Variants in GSG1L observed in about 807,000 individuals in gnomAD.
GSG1L encodes GSG1 like.
Under a neutral mutation model 42.1 loss-of-function variants are expected in GSG1L, and 24 were observed. The observed-to-expected ratio is 0.57, with a 90% confidence interval of 0.41 to 0.80. GSG1L has a LOEUF of 0.80. Ranked by LOEUF, GSG1L falls within the 30% of genes least tolerant of loss-of-function variation. The pLI, the probability that GSG1L is intolerant of heterozygous loss-of-function variation, is 0.00. For missense variants in GSG1L, 445 were observed against 472.2 expected (o/e 0.94, Z 0.53); for synonymous variants, 215 against 203.5 (o/e 1.06, Z -0.48).
intron 3 of GSG1L, chr16:27,850,344 A>G (rs2088865600): frequency 2.8e-6 from 1 of 359,876 alleles, no homozygotes; most frequent in Non-Finnish European, 5.5e-6. Context: ...CCTATTTTAT[A>G]TCTAAGCTGG....
chr16:28,060,055 G>A (rs2086323460), intron 1 of GSG1L, among the ~76,000 whole-genome samples: 1 of 152,142 alleles, frequency 6.6e-6, no homozygotes, highest in Non-Finnish European at 1.5e-5. Context: ...TCACGGAGCG[G>A]TGAGGATCTC....
At chr16:27,899,746 G>A (rs1193486536) in intron 2 of GSG1L, among the ~76,000 whole-genome samples, 1 of 152,046 alleles carries the variant, frequency 6.6e-6, no homozygotes, top group African/African-American at 2.4e-5. Flanking sequence ...AACAAGACAC[G>A]TGTAAAGAGG....
At position 27,938,289 on chromosome 16, in the gene GSG1L, C is replaced by T. The variant is rs1026858175; in HGVS notation, c.397+24867G>A. ...GTCCCAGCTACTTGGGAGGCAGAGG[C>T]GGGAGAATCACTTGAACCTGGAGAT... On this transcript the variant is annotated intron_variant, in intron 2 of 6. Coordinates refer to ENST00000447459, the MANE Select transcript of GSG1L (RefSeq NM_001109763.2). Among the ~76,000 whole-genome samples, 5 of 150,650 alleles carry T rather than the reference C, an allele frequency of 3.3e-5. No homozygotes were observed. In the South Asian group the frequency reaches 6.4e-4, roughly 19 times the overall value.
At chr16:27,982,429 T>G (rs1429306314) in intron 1 of GSG1L, among the ~76,000 whole-genome samples, 1 of 152,066 alleles carries the variant, frequency 6.6e-6, no homozygotes, top group Admixed American at 6.6e-5. Flanking sequence ...CAATATGATG[T>G]GTGTGTGCGT....
chr16:27,876,737 T>C (rs1436513861), intron 3 of GSG1L, among the ~76,000 whole-genome samples: 5 of 152,276 alleles, frequency 3.3e-5, no homozygotes, highest in Middle Eastern at 3.4e-3. Context: ...CAAAACACAC[T>C]GGTGGCACCC....
At chr16:28,002,774 CAA>C (rs753093273) in intron 1 of GSG1L, among the ~76,000 whole-genome samples, 1 of 133,074 alleles carries the variant, frequency 7.5e-6, no homozygotes. Flanking sequence ...ACTAAAAATA[CAA>C]AAAAAAAAAA....
chr16:27,866,723 C>T (rs1452019749), intron 3 of GSG1L, among the ~76,000 whole-genome samples: 1 of 152,140 alleles, frequency 6.6e-6, no homozygotes, highest in Non-Finnish European at 1.5e-5. Context: ...AGACTTGCAC[C>T]ACCATGCCAG....
chr16:27,812,538 T>C (rs1341493326), intron 5 of GSG1L, among the ~76,000 whole-genome samples: 1 of 152,154 alleles, frequency 6.6e-6, no homozygotes, highest in Non-Finnish European at 1.5e-5. Context: ...CCTGCGTGGA[T>C]AGCGTGTTAA....
chr16:28,037,776 A>C (rs2086057800), intron 1 of GSG1L, among the ~76,000 whole-genome samples: 1 of 152,192 alleles, frequency 6.6e-6, no homozygotes, highest in Non-Finnish European at 1.5e-5. Flanking sequence ...TGCTGGACTC[A>C]CCCATTAGAT....
chr16:27,953,878 C>CA (rs1297416151), intron 2 of GSG1L, among the ~76,000 whole-genome samples: 1 of 151,918 alleles, frequency 6.6e-6, no homozygotes, highest in East Asian at 1.9e-4. Flanking sequence ...GACTCCATCT[C>CA]AAAAAAACAA....
chr16:27,949,667 T>TG (rs2084929286), intron 2 of GSG1L, among the ~76,000 whole-genome samples: 1 of 152,120 alleles, frequency 6.6e-6, no homozygotes, highest in Non-Finnish European at 1.5e-5. Flanking sequence ...GGCTCACGCC[T>TG]GTAATCCCAG....
intron 3 of GSG1L, among the ~76,000 whole-genome samples, chr16:27,849,205 A>C (rs1357872414): frequency 3.2e-5 from 3 of 93,298 alleles, no homozygotes; most frequent in Admixed American, 1.2e-4. Flanking sequence ...CCCAAAAAGA[A>C]AAAAAAAAAA....
chr16:28,059,323 G>A lies in GSG1L; in HGVS notation c.349+3753C>T, dbSNP rs144784258. On this transcript the variant is annotated intron_variant, in intron 1 of 6. Transcript: ENST00000447459. This position sits in a 1 kb window ranked among gnomAD's most constrained non-coding sequence, Gnocchi z 4.4. ...CTCTGGGACTGTGGGAGGGGCCACC[G>A]CGGTGTGGGGTGTGTTGGCTCCCCG... Among the ~76,000 whole-genome samples, 427 of 152,144 alleles carry A rather than the reference G, an allele frequency of 2.8e-3. No individual in the cohort carries two copies. The highest frequency in any genetic ancestry group is 3.7e-3 in the Non-Finnish European group (250 of 67,998).
rs1387091835 is a variant in GSG1L at position 27,789,262 on chromosome 16, G to C, written c.*2108C>G. 1 of 152,176 alleles carries C rather than the reference G, an allele frequency of 6.6e-6. No homozygotes were observed. The highest frequency in any genetic ancestry group is 1.5e-5 in the Non-Finnish European group (1 of 68,042). The allele number at this position is 152,176 out of a possible 1,614,324, so 9.4% of individuals were successfully genotyped here. A position where few individuals can be genotyped will look rare whatever the true frequency, so the allele number is the denominator to read the frequency against. The stretch of plus-strand genomic sequence containing the variant: ...TGAAGAAATGGATAAAGAATAAATG[G>C]ATAATGCAGAAATGGATAATGGATG... On this transcript the variant is annotated 3_prime_UTR_variant, in exon 7 of 7. Coordinates refer to ENST00000447459, the MANE Select transcript of GSG1L (RefSeq NM_001109763.2).
chr16:27,849,203 G>GCTCC (rs1567485061), intron 3 of GSG1L, among the ~76,000 whole-genome samples: 2 of 79,924 alleles, frequency 2.5e-5, no homozygotes, highest in African/African-American at 9.5e-5. Flanking sequence ...ATCCCAAAAA[G>GCTCC]AAAAAAAAAA....
intron 3 of GSG1L, among the ~76,000 whole-genome samples, chr16:27,872,690 C>T (rs2083837305): frequency 1.3e-5 from 2 of 152,108 alleles, no homozygotes; most frequent in African/African-American, 4.8e-5. Context: ...GACAAAAGTG[C>T]CCTCTGGTTG....
intron 1 of GSG1L, among the ~76,000 whole-genome samples, chr16:28,060,260 A>C (rs2086326043): frequency 6.6e-6 from 1 of 152,106 alleles, no homozygotes; most frequent in Non-Finnish European, 1.5e-5. Context: ...CCCAGAGGAA[A>C]GGTTGTCATG....
In GSG1L at chr16:28,063,445, G is replaced by T. The variant is rs1384959797; in HGVS notation, c.-21C>A. Reference sequence around the variant, plus strand: ...TTCATGCCGCCCGCGCCGCCGGGACGGGACTGCACCGCCGGGGAGCTCCGC... The same window carrying T: ...TTCATGCCGCCCGCGCCGCCGGGACTGGACTGCACCGCCGGGGAGCTCCGC... On this transcript the variant is annotated 5_prime_UTR_variant, in exon 1 of 7. Coordinates refer to ENST00000447459, the MANE Select transcript of GSG1L (RefSeq NM_001109763.2). This position sits in a 1 kb window ranked among gnomAD's most constrained non-coding sequence, Gnocchi z 5.8. The T allele has an allele frequency of 9.4e-6, 11 of 1,174,710 alleles. No individual in the cohort carries two copies. The highest frequency in any genetic ancestry group is 1.6e-5 in the African/African-American group (1 of 61,332). The allele number at this position is 1,174,710 out of a possible 1,614,324, so 72.8% of individuals were successfully genotyped here.
intron 2 of GSG1L, among the ~76,000 whole-genome samples, chr16:27,955,232 T>C (rs1596644139): frequency 6.6e-6 from 1 of 151,960 alleles, no homozygotes; most frequent in South Asian, 2.1e-4. Flanking sequence ...TGAGAAGATA[T>C]TGTGTCCATA....
Sources: allele counts gnomAD v4.1 joint callset (sites outside exome capture counted in the v4.1 genomes callset), GRCh38; gene constraint gnomAD v4.1.1; non-coding constraint Gnocchi (gnomAD v3.1); transcripts MANE v1.5; gene names NCBI Gene and HGNC (gene_info 2026-07-23, HGNC 2026-07-21).